Variants in PTDSS1 observed in about 807,000 individuals in gnomAD.
PTDSS1 encodes PSS-1.
In PTDSS1, 45 loss-of-function variants were observed where a neutral mutation model predicts 70.5. The ratio of observed to expected loss-of-function variants is 0.64; its 90% CI spans 0.50 to 0.82. PTDSS1 has a LOEUF of 0.82. Among genes scored for constraint, PTDSS1 ranks in the 40% least tolerant of loss-of-function variants. PTDSS1 has a pLI of 0.00. For missense variants in PTDSS1, 417 were observed against 586.1 expected (o/e 0.71, Z 2.98); for synonymous variants, 188 against 203.8 (o/e 0.92, Z 0.66).
intron 2 of PTDSS1, among the ~76,000 whole-genome samples, chr8:96,278,376 A>C (rs1050018959): frequency 6.6e-6 from 1 of 152,194 alleles, no homozygotes; most frequent in African/African-American, 2.4e-5. Context: ...AGGAGTGGAC[A>C]CTCAAACAAA....
chr8:96,301,812 G>GC (rs1811055325), intron 6 of PTDSS1, among the ~76,000 whole-genome samples: 1 of 151,914 alleles, frequency 6.6e-6, no homozygotes, highest in Admixed American at 6.6e-5. Context: ...ACCGTGCCCA[G>GC]CCTTTCTTCT....
chr8:96,330,445 C>A, intron 11 of PTDSS1, 164 bp downstream of exon 11: 1 of 650,492 alleles, frequency 1.5e-6, no homozygotes, highest in Non-Finnish European at 2.7e-6. Context: ...CATTCCCTAG[C>A]CATTGCTGGC....
intron 1 of PTDSS1, among the ~76,000 whole-genome samples, chr8:96,270,464 A>G (rs1056215288): frequency 6.6e-6 from 1 of 152,098 alleles, no homozygotes; most frequent in African/African-American, 2.4e-5. Context: ...GCCAGAGGGG[A>G]GTTTGGCATC....
intron 6 of PTDSS1, among the ~76,000 whole-genome samples, chr8:96,303,277 C>T (rs1306297996): frequency 6.6e-6 from 1 of 152,098 alleles, no homozygotes; most frequent in African/African-American, 2.4e-5. Flanking sequence ...TTTCTCAATA[C>T]GAGTTTGTTG....
chr8:96,291,473 A>G (rs1810902797), intron 4 of PTDSS1, among the ~76,000 whole-genome samples: 1 of 144,798 alleles, frequency 6.9e-6, no homozygotes, highest in Admixed American at 7.0e-5. Flanking sequence ...TTTTTTTGGC[A>G]TAACCACTGA....
At chr8:96,327,356 C>T (rs757754623) in intron 10 of PTDSS1, among the ~76,000 whole-genome samples, 3 of 152,104 alleles carry the variant, frequency 2.0e-5, no homozygotes, top group Non-Finnish European at 2.9e-5. Context: ...ATTAGACTTA[C>T]AGGATGAGAC....
chr8:96,300,258 G>C (rs10955070), intron 6 of PTDSS1, among the ~76,000 whole-genome samples: 80,682 of 151,868 alleles, frequency 0.53, 23,755 homozygotes, highest in African/African-American at 0.8. Context: ...TCATGTCATT[G>C]CCCTGTGATG....
intron 8 of PTDSS1, 94 bp from the exon 9 acceptor site, chr8:96,309,463 A>T (rs1170793687): frequency 9.0e-7 from 1 of 1,105,128 alleles, no homozygotes; most frequent in African/African-American, 1.5e-5. Context: ...TGGGACAAGG[A>T]GGGACGTTTT....
At chr8:96,310,886 C>T (rs959082984) in intron 9 of PTDSS1, among the ~76,000 whole-genome samples, 7 of 152,016 alleles carry the variant, frequency 4.6e-5, no homozygotes, top group African/African-American at 1.7e-4. Flanking sequence ...CTGCCTCAGT[C>T]CCCCAAGTAG....
chr8:96,292,479 G>A (rs1382428216), intron 4 of PTDSS1, among the ~76,000 whole-genome samples: 1 of 151,912 alleles, frequency 6.6e-6, no homozygotes, highest in African/African-American at 2.4e-5. Flanking sequence ...GTGGGGAGCT[G>A]GGACCAGTCT....
intron 2 of PTDSS1, 128 bp downstream of exon 2, chr8:96,273,518 C>A: frequency 1.4e-6 from 1 of 690,706 alleles, no homozygotes; most frequent in Non-Finnish European, 2.3e-6. Flanking sequence ...GGGGCACAGG[C>A]TCTGGAGGCA....
chr8:96,276,407 G>T (rs1810641736), intron 2 of PTDSS1, among the ~76,000 whole-genome samples: 1 of 152,236 alleles, frequency 6.6e-6, no homozygotes, highest in South Asian at 2.1e-4. Flanking sequence ...TCTCATTGTG[G>T]GACTGTGCTT....
At chr8:96,284,006 G>C in intron 2 of PTDSS1, 103 bp from the exon 3 acceptor site, 1 of 903,780 alleles carries the variant, frequency 1.1e-6, no homozygotes, top group Non-Finnish European at 1.7e-6. Context: ...TAACAGTAGA[G>C]AGCTTTTTCT....
intron 9 of PTDSS1, among the ~76,000 whole-genome samples, chr8:96,317,878 A>AGTGTGTGTGTGTGT (rs10529330): frequency 3.6e-5 from 5 of 139,870 alleles, no homozygotes; most frequent in African/African-American, 1.3e-4. Flanking sequence ...CTTTTGTTTC[A>AGTGTGTGTGTGTGT]GTGTGTGTGT....
Position 96,330,063 on chromosome 8 carries a change from A to G in PTDSS1, c.1174-150A>G, listed in dbSNP as rs1482830707. 8 of 687,444 alleles carry G rather than the reference A, an allele frequency of 1.2e-5. No homozygotes were observed. The Admixed American group carries it at 1.8e-4, about 16-fold the overall frequency. 42.6% of individuals were successfully genotyped at this position (687,444 alleles called of 1,614,324 possible). On this transcript the variant is annotated intron_variant, in intron 10 of 12. Coordinates refer to ENST00000517309, the MANE Select transcript of PTDSS1 (RefSeq NM_014754.3). ...GCTTTGGGTGTGCACCCTCCCCTTGAGGTCTGATCTCTGCCACGTCCAGCC... is the reference window on the plus strand; with the variant it reads ...GCTTTGGGTGTGCACCCTCCCCTTGGGGTCTGATCTCTGCCACGTCCAGCC...
intron 9 of PTDSS1, among the ~76,000 whole-genome samples, chr8:96,313,515 G>A (rs995055061): frequency 6.6e-6 from 1 of 152,242 alleles, no homozygotes; most frequent in African/African-American, 2.4e-5. Flanking sequence ...CAAAAAGAGA[G>A]TATTGGCCCA....
At chr8:96,292,610 T>C (rs1810923827) in intron 4 of PTDSS1, among the ~76,000 whole-genome samples, 1 of 152,100 alleles carries the variant, frequency 6.6e-6, no homozygotes, top group Non-Finnish European at 1.5e-5. Context: ...CCATGGAAGG[T>C]TTATAAGCAG....
At chr8:96,286,680 A>G (rs752475876) in intron 3 of PTDSS1, among the ~76,000 whole-genome samples, 6 of 152,086 alleles carry the variant, frequency 3.9e-5, no homozygotes, top group Non-Finnish European at 8.8e-5. Flanking sequence ...GGTCCTAGAT[A>G]TTTCTCTTTT....
Position 96,306,513 on chromosome 8 carries a change from G to A in PTDSS1, c.964G>A (p.Gly322Ser). The change falls in exon 8 of 13, where the codon GGT becomes AGT. Residue 322 changes from glycine to serine, a missense_variant. Gly to Ser is a moderately conservative substitution (Grantham distance 56). Around this residue, in one of 3 missense-constraint regions of PTDSS1, gnomAD observed 272 missense variants for 429.5 expected, o/e 0.63. Coordinates refer to ENST00000517309, the MANE Select transcript of PTDSS1 (RefSeq NM_014754.3). ...CCAAGCCAGTCATCCATTAAGTTGG[G>A]GTAGAATTCTCTTTATTGGTGGCAT... ...VFQASHPLSW[G>S]RILFIGGITA... 1 of 1,614,024 alleles carries A rather than the reference G, an allele frequency of 6.2e-7. No homozygotes were observed. The highest frequency in any genetic ancestry group is 8.5e-7 in the Non-Finnish European group (1 of 1,179,956).
Sources: gnomAD v4.1 joint callset for allele counts (sites outside exome capture counted in the v4.1 genomes callset) on GRCh38, gnomAD v4.1.1 for gene constraint, gnomAD v4.1.1 regional missense constraint, MANE v1.5 for transcripts, NCBI Gene and HGNC (gene_info 2026-07-23, HGNC 2026-07-21) for gene names.